Variants in METTL6 observed in about 807,000 individuals in gnomAD.
METTL6 encodes the protein methyltransferase 6, tRNA N3-cytidine.
A neutral mutation model predicts 26.4 loss-of-function variants in METTL6; 22 were observed. The observed-to-expected ratio is 0.83, with a 90% CI of 0.59 to 1.19. The LOEUF (loss-of-function observed/expected upper bound fraction) is 1.19. Among genes scored for constraint, METTL6 ranks in the 50% most tolerant of loss-of-function variants. The pLI is 0.00. For synonymous variants in METTL6, 109 were observed against 116.2 expected (o/e 0.94, Z 0.40); for missense variants, 304 against 324.8 (o/e 0.94, Z 0.49).
intron 6 of METTL6, among the ~76,000 whole-genome samples, chr3:15,385,284 C>T (rs1699161578): frequency 6.6e-6 from 1 of 152,060 alleles, no homozygotes; most frequent in Admixed American, 6.6e-5. Context: ...TAGGAACTGC[C>T]CCTTCTTTTT....
chr3:15,421,150 T>C (rs1053518489), intron 3 of METTL6, among the ~76,000 whole-genome samples: 2 of 152,204 alleles, frequency 1.3e-5, no homozygotes, highest in Non-Finnish European at 2.9e-5. Context: ...CACAGGTCTA[T>C]AGGTGCATTT....
At chr3:15,405,915 T>G (rs1014683192), downstream of METTL6, among the ~76,000 whole-genome samples, 5 of 152,188 alleles carry the variant, frequency 3.3e-5, no homozygotes, top group African/African-American at 7.2e-5. Flanking sequence ...TAGTTTGTAC[T>G]GGGTAAGTCC....
At chr3:15,423,452 A>T (rs1181376764) in intron 3 of METTL6, among the ~76,000 whole-genome samples, 1 of 152,214 alleles carries the variant, frequency 6.6e-6, no homozygotes, top group East Asian at 1.9e-4. Context: ...GCTTGACTGG[A>T]TTATAAACAG....
At chr3:15,422,729 A>C (rs1364394115) in intron 3 of METTL6, among the ~76,000 whole-genome samples, 4 of 152,252 alleles carry the variant, frequency 2.6e-5, no homozygotes, top group Non-Finnish European at 4.4e-5. Flanking sequence ...AGATACTTGC[A>C]ATGTCACCAA....
chr3:15,396,405 AG>A (rs906250500), intron 6 of METTL6, among the ~76,000 whole-genome samples: 4 of 152,210 alleles, frequency 2.6e-5, no homozygotes, highest in African/African-American at 9.6e-5. Flanking sequence ...TCTTTTTTCA[AG>A]GTTTTTAACT....
intron 5 of METTL6, among the ~76,000 whole-genome samples, chr3:15,412,414 T>A (rs534622092): frequency 6.6e-6 from 1 of 152,372 alleles, no homozygotes; most frequent in African/African-American, 2.4e-5. Flanking sequence ...TATTTACAAT[T>A]GGTTTAAATT....
At chr3:15,392,136 T>C (rs1194696428) in intron 6 of METTL6, among the ~76,000 whole-genome samples, 1 of 152,244 alleles carries the variant, frequency 6.6e-6, no homozygotes, top group African/African-American at 2.4e-5. Flanking sequence ...GTGATCCTAT[T>C]TCTCCACATC....
intron 6 of METTL6, among the ~76,000 whole-genome samples, chr3:15,404,081 C>G (rs932633084): frequency 1.3e-5 from 2 of 152,164 alleles, no homozygotes; most frequent in African/African-American, 4.8e-5. Context: ...GACCTCCTAT[C>G]TCGTCCTATG....
In METTL6 at chr3:15,424,960, C is replaced by T. The variant is rs1256490509; in HGVS notation, c.355G>A (p.Val119Ile). ...CDFSPRAIEY[V>I]KQNPLYDTER... The stretch of plus-strand genomic sequence containing the variant: ...TACATAGATGGTGCACCAACCTTAA[C>T]ATATTCAATGGCTCTTGGAGAAAAA... Residue 119 changes from valine to isoleucine, a missense_variant, in exon 3 of 6, where the codon GTT (valine) becomes ATT (isoleucine). Transcript: ENST00000383790. The T allele has an allele frequency of 6.2e-7, 1 of 1,613,970 alleles. No individual in the cohort carries two copies. Among genetic ancestry groups the T allele is most frequent in the Non-Finnish European group, 8.5e-7 (1 of 1,180,018 alleles).
intron 6 of METTL6, among the ~76,000 whole-genome samples, chr3:15,403,876 C>T (rs1363542960): frequency 1.3e-5 from 2 of 152,114 alleles, no homozygotes; most frequent in Non-Finnish European, 2.9e-5. Context: ...ATTCATGCCT[C>T]CCCTTTTTAG....
chr3:15,393,935 C>T (rs1402729880), intron 6 of METTL6, among the ~76,000 whole-genome samples: 1 of 152,190 alleles, frequency 6.6e-6, no homozygotes, highest in African/African-American at 2.4e-5. Context: ...CGATGTTCAT[C>T]AGGGATATTG....
rs1700192061 is a variant in METTL6, at chr3:15,416,045, T to C, written c.361-103A>G. On this transcript the variant is annotated intron_variant, in intron 3 of 5. Transcript: ENST00000383790. ...GCGATCCAATTTCCACTTGTATACA[T>C]AGAAATTATCACTGTTACCAGATAA... 5 of 991,904 alleles carry C rather than the reference T, an allele frequency of 5.0e-6. No homozygotes were observed. In the South Asian group the frequency reaches 5.1e-5, roughly 10 times the overall value. The allele number at this position is 991,904 out of a possible 1,614,324, so 61.4% of individuals were successfully genotyped here. A position where few individuals can be genotyped will look rare whatever the true frequency, so the allele number is the denominator to read the frequency against.
exon 7 of METTL6, chr3:15,381,306 A>G (rs757296455): frequency 6.6e-6 from 1 of 152,220 alleles, no homozygotes; most frequent in Non-Finnish European, 1.5e-5. Context: ...TTATTCAGAG[A>G]GCCAGCAAAC....
downstream of METTL6, among the ~76,000 whole-genome samples, chr3:15,409,222 C>T (rs541420271): frequency 6.6e-6 from 1 of 152,282 alleles, no homozygotes. Flanking sequence ...TTATCCAACC[C>T]CTTCACACTG....
At chr3:15,385,926 C>T (rs919058326) in intron 6 of METTL6, among the ~76,000 whole-genome samples, 1 of 152,142 alleles carries the variant, frequency 6.6e-6, no homozygotes, top group Non-Finnish European at 1.5e-5. Flanking sequence ...ATCCAGACCC[C>T]AGGAGAGGGT....
At chr3:15,420,135 C>T (rs2061578612) in intron 3 of METTL6, among the ~76,000 whole-genome samples, 1 of 152,140 alleles carries the variant, frequency 6.6e-6, no homozygotes. Context: ...GCTCAGATTA[C>T]AGGTGTGAGC....
intron 6 of METTL6, among the ~76,000 whole-genome samples, chr3:15,391,962 T>C (rs939618378): frequency 2.0e-5 from 3 of 152,170 alleles, no homozygotes; most frequent in Non-Finnish European, 4.4e-5. Context: ...TAAACATACA[T>C]GTGCATGTGT....
downstream of METTL6, among the ~76,000 whole-genome samples, chr3:15,409,636 G>A (rs1266840536): frequency 6.6e-6 from 1 of 152,106 alleles, no homozygotes; most frequent in Non-Finnish European, 1.5e-5. Flanking sequence ...AAACAGCACT[G>A]GACAAATGGG....
At chr3:15,401,228 A>G (rs1418804536) in intron 6 of METTL6, among the ~76,000 whole-genome samples, 2 of 151,918 alleles carry the variant, frequency 1.3e-5, no homozygotes, top group Admixed American at 6.6e-5. Context: ...TTTAGTAGAG[A>G]TGGGGTTTTA....
Sources: allele counts gnomAD v4.1 joint callset (sites outside exome capture counted in the v4.1 genomes callset), GRCh38; gene constraint gnomAD v4.1.1; transcripts MANE v1.5; gene names NCBI Gene and HGNC (gene_info 2026-07-23, HGNC 2026-07-21).